The following C6orf89 variants were observed in gnomAD, a reference collection of about 807,000 sequenced individuals.
The protein encoded by C6orf89 is bombesin receptor-activated protein C6orf89.
In C6orf89, 29 loss-of-function variants were observed where a neutral mutation model predicts 40.7. That is an observed-to-expected ratio of 0.71 (90% CI 0.53 to 0.97). The LOEUF (loss-of-function observed/expected upper bound fraction) is 0.97, where lower values mean the gene tolerates loss of function less well. Among genes scored for constraint, C6orf89 ranks in the 50% least tolerant of loss-of-function variants. The probability of loss-of-function intolerance (pLI) is 0.00; values close to 1 mark genes in which losing one functional copy is unlikely to be tolerated. For missense variants in C6orf89, 392 were observed against 429.1 expected (o/e 0.91, Z 0.76); for synonymous variants, 165 against 152.2 (o/e 1.08, Z -0.62).
intron 1 of C6orf89, among the ~76,000 whole-genome samples, chr6:36,893,582 G>A (rs569462049): frequency 7.2e-5 from 11 of 152,118 alleles, no homozygotes; most frequent in African/African-American, 2.2e-4. Context: ...GAAAAGAAAC[G>A]TATTTTTTTG....
At chr6:36,901,951 G>A (rs1404596234) in intron 3 of C6orf89, among the ~76,000 whole-genome samples, 5 of 152,210 alleles carry the variant, frequency 3.3e-5, no homozygotes, top group Non-Finnish European at 7.3e-5. Context: ...GATTACAGGC[G>A]AGAGCCACCA....
At chr6:36,886,833 A>G (rs1775009379) in intron 1 of C6orf89, among the ~76,000 whole-genome samples, 1 of 152,198 alleles carries the variant, frequency 6.6e-6, no homozygotes, top group South Asian at 2.1e-4. Context: ...GGGTTGTCAA[A>G]ATTTCCCTCT....
intron 4 of C6orf89, among the ~76,000 whole-genome samples, chr6:36,912,971 A>T (rs148335261): frequency 1.3e-5 from 2 of 152,228 alleles, no homozygotes; most frequent in South Asian, 4.1e-4. Flanking sequence ...GTTGTCTGTT[A>T]TCATTTGTCG....
At position 36,914,423 on chromosome 6, in the gene C6orf89, A is replaced by G. The variant is rs775218912; in HGVS notation, c.543A>G (p.Pro181=). The change falls in exon 5 of 9, where the codon CCA becomes CCG. Residue 181 remains proline, a synonymous_variant. Transcript: ENST00000480824. ...DAPRKFERLH[P]LVIKTGKPLL... is the part of the protein sequence containing the mutation. ...CAAGGAAATTTGAGAGGCTCCATCC[A>G]CTGGTGATCAAGGTGAGCAGAAGCC... The G allele has an allele frequency of 1.9e-6, 3 of 1,614,170 alleles. No individual in the cohort carries two copies. The highest frequency in any genetic ancestry group is 2.2e-5 in the East Asian group (1 of 44,894).
chr6:36,873,733 A>C (rs1774570089), intron 1 of C6orf89, among the ~76,000 whole-genome samples: 1 of 152,162 alleles, frequency 6.6e-6, no homozygotes, highest in Non-Finnish European at 1.5e-5. Flanking sequence ...GCAAATAGAG[A>C]GAGGACTGAC....
At chr6:36,882,710 T>C, upstream of C6orf89, among the ~76,000 whole-genome samples, 1 of 115,606 alleles carries the variant, frequency 8.7e-6, no homozygotes, top group Non-Finnish European at 2.0e-5. Context: ...CAATTGTCAT[T>C]TTCTTTTTTT....
intron 4 of C6orf89, among the ~76,000 whole-genome samples, chr6:36,908,984 C>T (rs1259340473): frequency 6.6e-6 from 1 of 152,184 alleles, no homozygotes; most frequent in African/African-American, 2.4e-5. Flanking sequence ...ATTCAGGGCT[C>T]ATCCTACTTC....
chr6:36,909,723 C>T (rs1309974142), intron 4 of C6orf89, among the ~76,000 whole-genome samples: 1 of 147,926 alleles, frequency 6.8e-6, no homozygotes, highest in East Asian at 2.0e-4. Flanking sequence ...GTCAAGGCCA[C>T]AGTGAGCCGT....
chr6:36,875,694 A>T (rs1279847817), intron 1 of C6orf89, among the ~76,000 whole-genome samples: 1 of 152,272 alleles, frequency 6.6e-6, no homozygotes, highest in East Asian at 1.9e-4. Context: ...TGTGCCAGGC[A>T]TCAAGCTAAG....
intron 1 of C6orf89, among the ~76,000 whole-genome samples, chr6:36,878,782 A>C (rs1054007859): frequency 6.6e-6 from 1 of 152,228 alleles, no homozygotes; most frequent in Non-Finnish European, 1.5e-5. Context: ...AATTGCATTC[A>C]AATAAGGCAA....
At chr6:36,875,068 C>T (rs1774615587) in intron 1 of C6orf89, 16 of 367,684 alleles carry the variant, frequency 4.4e-5, no homozygotes, top group Middle Eastern at 7.3e-4. Flanking sequence ...GCATGGAAGG[C>T]GGGAACAACC....
intron 1 of C6orf89, among the ~76,000 whole-genome samples, chr6:36,889,703 A>C (rs929056279): frequency 1.3e-5 from 2 of 152,202 alleles, no homozygotes; most frequent in African/African-American, 2.4e-5. Context: ...TTAAATAGCT[A>C]TATGATCTTT....
chr6:36,921,579 A>G (rs1383230465), intron 8 of C6orf89, among the ~76,000 whole-genome samples: 1 of 152,150 alleles, frequency 6.6e-6, no homozygotes, highest in Admixed American at 6.5e-5. Context: ...GTTGAATTCT[A>G]CTCAGTGCTC....
At position 36,919,641 on chromosome 6, in the gene C6orf89, C is replaced by G. The variant is rs752263332; in HGVS notation, c.889C>G (p.Pro297Ala). Residue 297 changes from proline (P) to alanine (A), a missense_variant, in exon 8 of 9, where the codon CCC (proline) becomes GCC (alanine). Pro to Ala is a conservative substitution (Grantham distance 27, BLOSUM62 -1). Transcript: ENST00000480824. ...TGAGGCCATGTTGCAGCTCATCCCT[C>G]CCTTCCAGTGCCGAAGACATTGTCA... ...SGEAMLQLIP[P>A]FQCRRHCQSV... is the part of the protein sequence containing the mutation. 2 of 1,614,160 alleles carry G rather than the reference C, an allele frequency of 1.2e-6. No homozygotes were observed. The highest frequency in any genetic ancestry group is 1.1e-5 in the South Asian group (1 of 91,086).
In C6orf89 at chr6:36,874,895, C is replaced by T. The variant is rs565228372; in HGVS notation, c.-628+2928C>T. Reference sequence around the variant, plus strand: ...CCTTTCGATACCAGGATTTGGGTGGCCAAGACAAGGAAGAGGACGGTCCCT... The same window carrying T: ...CCTTTCGATACCAGGATTTGGGTGGTCAAGACAAGGAAGAGGACGGTCCCT... On this transcript the variant is annotated intron_variant, in intron 1 of 9. Coordinates refer to the C6orf89 transcript ENST00000359359. 4 of 1,133,654 alleles carry T rather than the reference C, an allele frequency of 3.5e-6. No individual in the cohort carries two copies. In the Admixed American group the frequency reaches 8.6e-5, roughly 24 times the overall value. The allele number at this position is 1,133,654 out of a possible 1,614,324, so 70.2% of individuals were successfully genotyped here.
chr6:36,872,775 T>C (rs1321507952), intron 1 of C6orf89, among the ~76,000 whole-genome samples: 1 of 152,126 alleles, frequency 6.6e-6, no homozygotes, highest in African/African-American at 2.4e-5. Flanking sequence ...GCTCAGCTAA[T>C]TTGTTGTATT....
At chr6:36,874,861 C>T in intron 1 of C6orf89, 16 of 1,430,134 alleles carry the variant, frequency 1.1e-5, no homozygotes, top group Non-Finnish European at 1.5e-5. Context: ...CACTTCCGGT[C>T]CGTTCAACCC....
intron 4 of C6orf89, among the ~76,000 whole-genome samples, chr6:36,910,776 A>G (rs1371387439): frequency 1.3e-5 from 2 of 151,412 alleles, no homozygotes; most frequent in East Asian, 3.9e-4. Flanking sequence ...AAGCGATCCC[A>G]CCTCAGCCTC....
upstream of C6orf89, among the ~76,000 whole-genome samples, chr6:36,881,753 G>T (rs773640049): frequency 6.6e-6 from 1 of 151,960 alleles, no homozygotes; most frequent in Non-Finnish European, 1.5e-5. Flanking sequence ...AGTTAAAATG[G>T]CATTATTCAG....
Sources: gnomAD v4.1 joint callset for allele counts (sites outside exome capture counted in the v4.1 genomes callset) on GRCh38, gnomAD v4.1.1 for gene constraint, MANE v1.5 for transcripts, NCBI Gene and HGNC (gene_info 2026-07-23, HGNC 2026-07-21) for gene names.